The following DGKD variants were observed in gnomAD, a reference collection of about 807,000 sequenced individuals.
DGKD encodes diacylglycerol kinase delta.
In DGKD, 68 loss-of-function variants were observed where a neutral mutation model predicts 154.4. The observed-to-expected ratio is 0.44, with a 90% CI of 0.36 to 0.54. The LOEUF (loss-of-function observed/expected upper bound fraction) is 0.54. DGKD is among the 20% of genes least tolerant of loss of function. The probability of loss-of-function intolerance (pLI) is 0.00; values close to 1 mark genes in which losing one functional copy is unlikely to be tolerated. For synonymous variants in DGKD, 693 were observed against 638.0 expected, an observed-to-expected ratio of 1.09 and a Z score of -1.30; for missense variants, 1,343 against 1,593.6, an observed-to-expected ratio of 0.84 and a Z score of 2.68.
In DGKD at chr2:233,464,266, G is replaced by C; in HGVS notation, c.3289G>C (p.Glu1097Gln). 3 of 1,613,616 alleles carry C rather than the reference G, an allele frequency of 1.9e-6. No individual in the cohort carries two copies. Among genetic ancestry groups the C allele is most frequent in the Non-Finnish European group, 2.5e-6 (3 of 1,180,018 alleles). ...ADTPWLCQSA[E>Q]PGDEESVMLD... ...CACCCCGTGGCTCTGCCAGTCCGCA[G>C]AGCCCGGCGACGAAGAGGTATGTGG... The change falls in exon 27 of 30, where the codon GAG becomes CAG. Residue 1097 changes from glutamate (E) to glutamine (Q), a missense_variant. Transcript: ENST00000264057.
chr2:233,400,967 T>C (rs1433657242), intron 3 of DGKD, among the ~76,000 whole-genome samples: 1 of 152,146 alleles, frequency 6.6e-6, no homozygotes, highest in African/African-American at 2.4e-5. Flanking sequence ...GACTCTGTCT[T>C]TGAATGTCCA....
chr2:233,386,000 T>C (rs1323366453), intron 1 of DGKD: 9 of 470,552 alleles, frequency 1.9e-5, no homozygotes, highest in Non-Finnish European at 3.5e-5. Context: ...TGTGCGTGTG[T>C]GTGCGTGTGT....
At chr2:233,364,551 G>T (rs1364136710) in intron 1 of DGKD, among the ~76,000 whole-genome samples, 1 of 152,188 alleles carries the variant, frequency 6.6e-6, no homozygotes, top group African/African-American at 2.4e-5. Context: ...CCAGGAAGAA[G>T]AACAAAGATC....
At chr2:233,465,921 A>G (rs2063809679) in intron 27 of DGKD, among the ~76,000 whole-genome samples, 1 of 152,218 alleles carries the variant, frequency 6.6e-6, no homozygotes, top group Non-Finnish European at 1.5e-5. Context: ...AATCCAAAGT[A>G]ACAATATAAA....
chr2:233,414,823 T>G (rs1316957471), intron 3 of DGKD, among the ~76,000 whole-genome samples: 1 of 152,184 alleles, frequency 6.6e-6, no homozygotes, highest in Non-Finnish European at 1.5e-5. Context: ...GTGGATTGGC[T>G]GGGGAATGAG....
At chr2:233,362,774 C>T (rs1338664535) in intron 1 of DGKD, among the ~76,000 whole-genome samples, 2 of 152,224 alleles carry the variant, frequency 1.3e-5, no homozygotes, top group African/African-American at 4.8e-5. Flanking sequence ...TCCTGGTACA[C>T]CCTTGTGCTC....
intron 3 of DGKD, among the ~76,000 whole-genome samples, chr2:233,416,778 T>C (rs899635773): frequency 6.6e-6 from 1 of 152,190 alleles, no homozygotes; most frequent in African/African-American, 2.4e-5. Context: ...TTCAGCTCCT[T>C]GTTTCTTCTG....
intron 3 of DGKD, among the ~76,000 whole-genome samples, chr2:233,401,059 G>A (rs1247310121): frequency 6.6e-6 from 1 of 151,934 alleles, no homozygotes; most frequent in African/African-American, 2.4e-5. Context: ...CTGAAAGTAC[G>A]GGACTCTGCA....
chr2:233,445,221 G>T lies in DGKD; in HGVS notation c.1195-402G>T, dbSNP rs1453838897. The stretch of plus-strand genomic sequence containing the variant: ...GCATTAGTGAGTGAGATGCTGTAGT[G>T]GATGGAGGGACGGGTGGCGAGGCAT... On this transcript the variant is annotated intron_variant, in intron 10 of 29. Transcript: ENST00000264057. This position sits in a 1 kb window ranked among gnomAD's most constrained non-coding sequence, Gnocchi z 5.5. Among the ~76,000 whole-genome samples the T allele has an allele frequency of 6.6e-6, 1 of 152,060 alleles. No individual in the cohort carries two copies. The highest frequency in any genetic ancestry group is 1.5e-5 in the Non-Finnish European group (1 of 68,006).
At chr2:233,404,414 C>T (rs1312099206) in intron 3 of DGKD, among the ~76,000 whole-genome samples, 1 of 152,150 alleles carries the variant, frequency 6.6e-6, no homozygotes, top group East Asian at 1.9e-4. Context: ...CCATGCTGAG[C>T]CCTGTTTGCC....
At chr2:233,464,335 C>G in intron 27 of DGKD, 52 bp downstream of exon 27, 3 of 1,601,570 alleles carry the variant, frequency 1.9e-6, no homozygotes, top group Non-Finnish European at 2.6e-6. Context: ...GTGGCTCTCG[C>G]CTGAAGTGCC....
Position 233,472,051 on chromosome 2 carries a change from A to G in DGKD, c.*2591A>G, listed in dbSNP as rs936743738. On this transcript the variant is annotated 3_prime_UTR_variant, in exon 30 of 30. Coordinates refer to ENST00000264057, the MANE Select transcript of DGKD (RefSeq NM_152879.3). ...CATAGTCCATACCTGAGTGCTGTACATAAGTTGTTCTGTGTATAAATAAAA... is the reference window on the plus strand; with the variant it reads ...CATAGTCCATACCTGAGTGCTGTACGTAAGTTGTTCTGTGTATAAATAAAA... The G allele has an allele frequency of 2.0e-5, 3 of 152,386 alleles. No individual in the cohort carries two copies. Among genetic ancestry groups the G allele is most frequent in the African/African-American group, 4.8e-5 (2 of 41,458 alleles). The allele number at this position is 152,386 out of a possible 1,614,324, so 9.4% of individuals were successfully genotyped here. A position where few individuals can be genotyped will look rare whatever the true frequency, so the allele number is the denominator to read the frequency against.
chr2:233,355,374 T>G (rs1412365220), intron 1 of DGKD, among the ~76,000 whole-genome samples: 1 of 152,206 alleles, frequency 6.6e-6, no homozygotes, highest in Non-Finnish European at 1.5e-5. Context: ...GTTTTCCCAT[T>G]GTGCTTCCTA....
At position 233,446,812 on chromosome 2, in the gene DGKD, T is replaced by A. The variant is rs200900702; in HGVS notation, c.1419+16T>A. 13 of 1,614,004 alleles carry A rather than the reference T, an allele frequency of 8.1e-6. No individual in the cohort carries two copies. Among genetic ancestry groups the A allele is most frequent in the Non-Finnish European group, 1.0e-5 (12 of 1,179,884 alleles). On this transcript the variant is annotated intron_variant, in intron 12 of 29. Transcript: ENST00000264057. ...GGATTCCGAGGTATTGCTGGCCTGTTCTTCACACCCTGCTCGCATGCTGAT... is the reference window on the plus strand; with the variant it reads ...GGATTCCGAGGTATTGCTGGCCTGTACTTCACACCCTGCTCGCATGCTGAT...
At chr2:233,396,838 G>T (rs1044218574) in intron 3 of DGKD, among the ~76,000 whole-genome samples, 2 of 152,146 alleles carry the variant, frequency 1.3e-5, no homozygotes, top group Non-Finnish European at 2.9e-5. Flanking sequence ...TTGGGATGGG[G>T]ACACCACGTG....
intron 3 of DGKD, among the ~76,000 whole-genome samples, chr2:233,423,084 T>C (rs2062173231): frequency 6.6e-6 from 1 of 152,226 alleles, no homozygotes; most frequent in African/African-American, 2.4e-5. Flanking sequence ...TGATGAGTCT[T>C]ATCAGTGGTT....
rs1015956368 is a variant in DGKD at position 233,386,004 on chromosome 2, C to T, written c.157-2253C>T. ...AAGATTGTGCGTGTGCGTGTGTGTGCGTGTGTGTAAGTATGTGGTGCAGTG... is the reference window on the plus strand; with the variant it reads ...AAGATTGTGCGTGTGCGTGTGTGTGTGTGTGTGTAAGTATGTGGTGCAGTG... On this transcript the variant is annotated intron_variant, in intron 1 of 29. Coordinates refer to ENST00000264057, the MANE Select transcript of DGKD (RefSeq NM_152879.3). 3.0e-5 allele frequency: 14 copies of T among 460,626 alleles called. No homozygotes were observed. The East Asian group carries it at 7.6e-4, about 25-fold the overall frequency. The allele number at this position is 460,626 out of a possible 1,614,324, so 28.5% of individuals were successfully genotyped here. A position where few individuals can be genotyped will look rare whatever the true frequency, so the allele number is the denominator to read the frequency against.
rs1575023295 is a variant in DGKD, at chr2:233,390,289, G to A, written c.268-114G>A. 4.6e-6 allele frequency: 3 copies of A among 656,004 alleles called. No homozygotes were observed. In the East Asian group the frequency reaches 8.8e-5, roughly 19 times the overall value. The allele number at this position is 656,004 out of a possible 1,614,324, so 40.6% of individuals were successfully genotyped here. A position where few individuals can be genotyped will look rare whatever the true frequency, so the allele number is the denominator to read the frequency against. On this transcript the variant is annotated intron_variant, in intron 2 of 29. Coordinates refer to ENST00000264057, the MANE Select transcript of DGKD (RefSeq NM_152879.3). ...TGGATGCTACAGTTTCAAGGTACTG[G>A]GGCTTCTGTGGGTGCTTGTTAGGGA...
At chr2:233,442,344 C>T (rs541063898) in intron 10 of DGKD, 43 of 396,862 alleles carry the variant, frequency 1.1e-4, no homozygotes, top group African/African-American at 1.2e-4. Context: ...GAGAAGGGGA[C>T]GGCAGTATAC....
Sources: allele counts gnomAD v4.1 joint callset (sites outside exome capture counted in the v4.1 genomes callset), GRCh38; gene constraint gnomAD v4.1.1; non-coding constraint Gnocchi (gnomAD v3.1); transcripts MANE v1.5; gene names NCBI Gene and HGNC (gene_info 2026-07-23, HGNC 2026-07-21).